Variants in SLC25A12 observed in about 807,000 individuals in gnomAD.
SLC25A12 encodes electrogenic aspartate/glutamate antiporter SLC25A12, mitochondrial.
Under a neutral mutation model 83.3 loss-of-function variants are expected in SLC25A12, and 32 were observed. The observed-to-expected ratio is 0.38, with a 90% CI of 0.29 to 0.52. The LOEUF (loss-of-function observed/expected upper bound fraction) is 0.52, where lower values mean the gene tolerates loss of function less well. SLC25A12 is among the 20% of genes least tolerant of loss of function. The pLI is 0.84. For synonymous variants in SLC25A12, 267 were observed against 291.1 expected (o/e 0.92, Z 0.84); for missense variants, 611 against 835.6 (o/e 0.73, Z 3.31).
intron 8 of SLC25A12, among the ~76,000 whole-genome samples, chr2:171,829,023 A>C (rs1035599115): frequency 6.6e-6 from 1 of 152,256 alleles, no homozygotes; most frequent in South Asian, 2.1e-4. Context: ...TCACCAAATA[A>C]GCTAGGTTCT....
chr2:171,834,297 A>T (rs1349252242), intron 7 of SLC25A12: 1 of 490,102 alleles, frequency 2.0e-6, no homozygotes, highest in African/African-American at 1.9e-5. Context: ...TTCAAGAATA[A>T]AACAATCTCT....
chr2:171,807,372 A>G (rs1683855490), intron 13 of SLC25A12, among the ~76,000 whole-genome samples: 1 of 152,218 alleles, frequency 6.6e-6, no homozygotes, highest in Non-Finnish European at 1.5e-5. Context: ...AGAAATTCCT[A>G]AAGTTCAAAC....
Position 171,844,397 on chromosome 2 carries a change from T to C in SLC25A12, c.437A>G (p.Asn146Ser). ...GAGAAACTGCGTGAATTCTGTGTAG[T>C]TAAGATGCTTCTTCCGGTTATGCCC... ...HFGHNRKKHL[N>S]YTEFTQFLQE... Residue 146 changes from asparagine to serine, a missense_variant, in exon 5 of 18, where the codon AAC becomes AGC. By Grantham distance (46) the Asn-to-Ser change is conservative. This residue lies in a region of SLC25A12 where 540 missense variants were observed against 777.5 expected (regional missense o/e 0.69). Transcript: ENST00000422440. 8 of 1,614,056 alleles carry C rather than the reference T, an allele frequency of 5.0e-6. No individual in the cohort carries two copies. The highest frequency in any genetic ancestry group is 6.8e-6 in the Non-Finnish European group (8 of 1,179,980).
At chr2:171,839,853 G>A (rs916447164) in intron 5 of SLC25A12, among the ~76,000 whole-genome samples, 2 of 152,106 alleles carry the variant, frequency 1.3e-5, no homozygotes, top group Non-Finnish European at 2.9e-5. Flanking sequence ...TGAAAACAAG[G>A]GGCTTAGCTG....
At chr2:171,815,699 C>T (rs1684037706) in intron 9 of SLC25A12, among the ~76,000 whole-genome samples, 1 of 152,062 alleles carries the variant, frequency 6.6e-6, no homozygotes, top group East Asian at 1.9e-4. Context: ...ACAGTTCTAA[C>T]ATAAAAATCT....
At chr2:171,854,082 C>A (rs993205534) in intron 4 of SLC25A12, among the ~76,000 whole-genome samples, 4 of 152,156 alleles carry the variant, frequency 2.6e-5, no homozygotes, top group Admixed American at 6.5e-5. Context: ...ATGTGTGATA[C>A]CTACTGAAAA....
intron 10 of SLC25A12, 38 bp from the exon 11 acceptor site, chr2:171,813,535 C>T: frequency 6.2e-7 from 1 of 1,604,716 alleles, no homozygotes. Flanking sequence ...AAAAAGAACA[C>T]AATTAAATGG....
chr2:171,882,401 T>C (rs1015653736), intron 2 of SLC25A12, among the ~76,000 whole-genome samples: 1 of 152,196 alleles, frequency 6.6e-6, no homozygotes, highest in African/African-American at 2.4e-5. Context: ...AGGACAATAA[T>C]TCCTAGACTT....
intron 2 of SLC25A12, among the ~76,000 whole-genome samples, chr2:171,880,757 T>C (rs17581439): frequency 0.22 from 34,153 of 152,138 alleles, 4,597 homozygotes; most frequent in East Asian, 0.58. Context: ...TATTCTATTT[T>C]CTCTAGATTT....
chr2:171,874,404 A>G (rs1173098020), intron 2 of SLC25A12, among the ~76,000 whole-genome samples: 1 of 152,194 alleles, frequency 6.6e-6, no homozygotes, highest in African/African-American at 2.4e-5. Flanking sequence ...AATTTAAAAA[A>G]AGAAAAAAGA....
intron 2 of SLC25A12, among the ~76,000 whole-genome samples, chr2:171,888,519 G>A (rs1003718647): frequency 3.3e-5 from 5 of 152,030 alleles, no homozygotes; most frequent in Non-Finnish European, 7.4e-5. Context: ...TCGGCTCACT[G>A]CAACCCCCGC....
intron 2 of SLC25A12, among the ~76,000 whole-genome samples, chr2:171,870,565 G>A (rs1685436765): frequency 6.6e-6 from 1 of 152,028 alleles, no homozygotes; most frequent in Non-Finnish European, 1.5e-5. Flanking sequence ...AGGTTGCAGT[G>A]AGCAGTGATC....
At chr2:171,788,742 T>C (rs1372172841) in intron 15 of SLC25A12, 5 of 152,362 alleles carry the variant, frequency 3.3e-5, no homozygotes, top group African/African-American at 9.7e-5. Context: ...GTATCCTCAC[T>C]AGGCGGATGG....
At chr2:171,799,956 A>T (rs960349698) in intron 13 of SLC25A12, among the ~76,000 whole-genome samples, 1 of 152,232 alleles carries the variant, frequency 6.6e-6, no homozygotes, top group Admixed American at 6.5e-5. Flanking sequence ...TAAGTTTATC[A>T]CTAATCTCTG....
chr2:171,836,144 G>C (rs1046586761), intron 6 of SLC25A12, among the ~76,000 whole-genome samples: 1 of 151,262 alleles, frequency 6.6e-6, no homozygotes, highest in South Asian at 2.1e-4. Flanking sequence ...GGTATGAGGT[G>C]AGGGCAGGGG....
At chr2:171,863,361 A>T (rs1685208603) in intron 3 of SLC25A12, among the ~76,000 whole-genome samples, 1 of 152,202 alleles carries the variant, frequency 6.6e-6, no homozygotes, top group Non-Finnish European at 1.5e-5. Context: ...CCTCATCTCT[A>T]CTAAAAACAC....
intron 13 of SLC25A12, among the ~76,000 whole-genome samples, chr2:171,804,156 T>C (rs1042939691): frequency 6.6e-6 from 1 of 152,218 alleles, no homozygotes; most frequent in Admixed American, 6.5e-5. Context: ...AATTAAGTAC[T>C]GATACATGCT....
chr2:171,785,196 G>C lies in SLC25A12; in HGVS notation c.*78C>G. The stretch of plus-strand genomic sequence containing the variant: ...TCAGCTCAGTCAGTACCATGCAGCT[G>C]ACTGGATACATTACAGGGCTGCTCT... On this transcript the variant is annotated 3_prime_UTR_variant, in exon 18 of 18. Transcript: ENST00000422440. The C allele has an allele frequency of 7.6e-7, 1 of 1,316,322 alleles. No homozygotes were observed. Among genetic ancestry groups the C allele is most frequent in the Non-Finnish European group, 1.1e-6 (1 of 912,828 alleles). The allele number at this position is 1,316,322 out of a possible 1,614,324, so 81.5% of individuals were successfully genotyped here. A position where few individuals can be genotyped will look rare whatever the true frequency, so the allele number is the denominator to read the frequency against.
chr2:171,787,067 C>T (rs952465110), intron 17 of SLC25A12, among the ~76,000 whole-genome samples: 1 of 152,196 alleles, frequency 6.6e-6, no homozygotes, highest in Admixed American at 6.5e-5. Flanking sequence ...TGGCTAGGCA[C>T]GGTAGCTCAT....
Sources: allele counts gnomAD v4.1 joint callset (sites outside exome capture counted in the v4.1 genomes callset), GRCh38; gene constraint gnomAD v4.1.1; regional missense constraint gnomAD v4.1.1; transcripts MANE v1.5; gene names NCBI Gene and HGNC (gene_info 2026-07-23, HGNC 2026-07-21).